ERCC8: variants seen among roughly 807,000 people sequenced by gnomAD.
The protein encoded by ERCC8 is DNA excision repair protein ERCC-8.
Under a neutral mutation model 54.9 loss-of-function variants are expected in ERCC8, and 52 were observed. The observed-to-expected ratio is 0.95, with a 90% CI of 0.76 to 1.19. The LOEUF is 1.19. Ranked by LOEUF, ERCC8 falls within the 50% of genes most tolerant of loss-of-function variation. ERCC8 has a pLI of 0.00. For synonymous variants in ERCC8, 146 were observed against 157.2 expected (o/e 0.93, Z 0.53); for missense variants, 514 against 466.1 (o/e 1.10, Z -0.95).
At chr5:60,929,591 GA>G (rs1308194089) in intron 1 of ERCC8, among the ~76,000 whole-genome samples, 2 of 151,912 alleles carry the variant, frequency 1.3e-5, no homozygotes, top group African/African-American at 4.8e-5. Flanking sequence ...TGTCTTAAAA[GA>G]AAAGAGACTA....
intron 1 of ERCC8, among the ~76,000 whole-genome samples, chr5:60,940,503 G>A (rs1479952162): frequency 2.0e-5 from 3 of 152,218 alleles, no homozygotes; most frequent in Non-Finnish European, 4.4e-5. Flanking sequence ...CCAAAACAGG[G>A]AGTCCCAGAG....
intron 11 of ERCC8, among the ~76,000 whole-genome samples, chr5:60,877,122 T>G (rs1197165634): frequency 1.3e-5 from 2 of 152,342 alleles, no homozygotes; most frequent in African/African-American, 4.8e-5. Flanking sequence ...CCCAGCACCA[T>G]TTACTAAATA....
At chr5:60,890,401 T>A (rs1033744231) in intron 10 of ERCC8, among the ~76,000 whole-genome samples, 4 of 152,172 alleles carry the variant, frequency 2.6e-5, no homozygotes, top group African/African-American at 9.7e-5. Flanking sequence ...TATGAAAAGA[T>A]CTGGATGTAA....
chr5:60,932,313 G>T (rs1749932176), intron 1 of ERCC8, among the ~76,000 whole-genome samples: 1 of 152,188 alleles, frequency 6.6e-6, no homozygotes, highest in African/African-American at 2.4e-5. Context: ...CTTGGTTACA[G>T]TCTGGGATTT....
chr5:60,944,721 C>CG (rs1750378515), intron 1 of ERCC8, among the ~76,000 whole-genome samples: 1 of 47,530 alleles, frequency 2.1e-5, no homozygotes, highest in African/African-American at 7.0e-5. Flanking sequence ...CCCCCACCCC[C>CG]GGGGAACCCC....
intron 10 of ERCC8, among the ~76,000 whole-genome samples, chr5:60,888,497 A>G (rs994416232): frequency 2.0e-5 from 3 of 152,232 alleles, no homozygotes; most frequent in South Asian, 2.1e-4. Context: ...GCAATTCACA[A>G]TAAGTACTAA....
At chr5:60,912,610 C>G (rs1009598827) in intron 4 of ERCC8, among the ~76,000 whole-genome samples, 1 of 152,068 alleles carries the variant, frequency 6.6e-6, no homozygotes, top group Non-Finnish European at 1.5e-5. Context: ...TTGCCCTGGC[C>G]AGAACTTCCA....
chr5:60,903,793 A>T, intron 5 of ERCC8, 77 bp from the exon 6 acceptor site: 1 of 1,393,146 alleles, frequency 7.2e-7, no homozygotes, highest in Non-Finnish European at 1.0e-6. Flanking sequence ...ATCATTAGTA[A>T]TCATGACATT....
At position 60,867,106 on chromosome 5, in the gene ERCC8, G is replaced by T. The variant is rs1482341483; in HGVS notation, c.*7509C>A. Among the ~76,000 whole-genome samples the T allele has an allele frequency of 6.6e-6, 1 of 152,106 alleles. No individual in the cohort carries two copies. Among genetic ancestry groups the T allele is most frequent in the African/African-American group, 2.4e-5 (1 of 41,406 alleles). Reference sequence around the variant, plus strand: ...CCACCTCAGCCTCCCAAAGTGCTGGGATTATAGGCGTGAGCCACCATGCCC... The same window carrying T: ...CCACCTCAGCCTCCCAAAGTGCTGGTATTATAGGCGTGAGCCACCATGCCC... On this transcript the variant is annotated 3_prime_UTR_variant, in exon 12 of 12. Transcript: ENST00000676185.
intron 9 of ERCC8, chr5:60,892,750 T>C: frequency 1.4e-6 from 1 of 693,862 alleles, no homozygotes. Context: ...CCTGGAACAA[T>C]GGCTGGAGCA....
chr5:60,923,557 T>C (rs1749662344), intron 2 of ERCC8, among the ~76,000 whole-genome samples: 2 of 152,062 alleles, frequency 1.3e-5, no homozygotes, highest in Non-Finnish European at 2.9e-5. Context: ...TCAGAGAAAA[T>C]TCTGCAAAAT....
intron 11 of ERCC8, among the ~76,000 whole-genome samples, chr5:60,879,997 C>A (rs1336215883): frequency 6.6e-6 from 1 of 152,172 alleles, no homozygotes; most frequent in African/African-American, 2.4e-5. Flanking sequence ...TTTGCAGTGG[C>A]TGGTACCGGT....
intron 1 of ERCC8, among the ~76,000 whole-genome samples, chr5:60,929,416 C>T (rs142537648): frequency 2.6e-5 from 4 of 151,900 alleles, no homozygotes; most frequent in Non-Finnish European, 2.9e-5. Flanking sequence ...GGCAACATAG[C>T]GAGACCCCAT....
chr5:60,929,073 A>C, intron 1 of ERCC8, 114 bp from the exon 2 acceptor site: 1 of 684,928 alleles, frequency 1.5e-6, no homozygotes, highest in South Asian at 1.7e-5. Flanking sequence ...TAAATCTTCT[A>C]CCACACATCC....
intron 2 of ERCC8, among the ~76,000 whole-genome samples, chr5:60,923,005 C>A (rs963571885): frequency 2.0e-4 from 30 of 152,052 alleles, no homozygotes; most frequent in African/African-American, 7.2e-4. Context: ...ACAATCCAAG[C>A]CCATTCTAGG....
Position 60,891,073 on chromosome 5 carries a change from T to G in ERCC8, c.857A>C (p.Lys286Thr), listed in dbSNP as rs781699664. 15 of 1,606,942 alleles carry G rather than the reference T, an allele frequency of 9.3e-6. No individual in the cohort carries two copies. The highest frequency in any genetic ancestry group is 1.3e-5 in the Non-Finnish European group (15 of 1,175,710). Residue 286 changes from lysine (K) to threonine (T), a missense_variant, in exon 10 of 12, where the codon AAA (lysine) becomes ACA (threonine). Transcript: ENST00000676185. ...NGENTLVNYG[K>T]VCNNSKKGLK... is the part of the protein sequence containing the mutation. ...TCCTTTTTTACTGTTATTACAAACT[T>G]TTCCATAGTTCACCTGTAGGATTAA...
intron 2 of ERCC8, among the ~76,000 whole-genome samples, chr5:60,927,739 G>GC (rs917002684): frequency 2.6e-5 from 4 of 152,096 alleles, no homozygotes; most frequent in South Asian, 2.1e-4. Flanking sequence ...ATAAGTGAGT[G>GC]CCCCCCCAGC....
At chr5:60,933,300 C>G (rs549014301) in intron 1 of ERCC8, among the ~76,000 whole-genome samples, 1 of 144,910 alleles carries the variant, frequency 6.9e-6, no homozygotes, top group East Asian at 2.0e-4. Flanking sequence ...CTCACTGCAA[C>G]CTCCAACTCC....
intron 9 of ERCC8, chr5:60,892,069 T>G (rs1015025724): frequency 1.9e-6 from 1 of 530,998 alleles, no homozygotes; most frequent in African/African-American, 1.9e-5. Context: ...CTGGCCCTGT[T>G]GTAGGGGGTC....
Sources: allele counts gnomAD v4.1 joint callset (sites outside exome capture counted in the v4.1 genomes callset), GRCh38; gene constraint gnomAD v4.1.1; transcripts MANE v1.5; gene names NCBI Gene and HGNC (gene_info 2026-07-23, HGNC 2026-07-21).